The following FTCDNL1 variants were observed in gnomAD, a reference collection of about 807,000 sequenced individuals.
The protein encoded by FTCDNL1 is formiminotransferase N-terminal subdomain-containing protein.
Under a neutral mutation model 5.9 loss-of-function variants are expected in FTCDNL1, and 11 were observed. The ratio of observed to expected loss-of-function variants is 1.87; its 90% CI spans 1.18 to 3.10. FTCDNL1 has a LOEUF of 3.10. Among genes scored for constraint, FTCDNL1 ranks in the 30% most tolerant of loss-of-function variants. FTCDNL1 has a pLI of 0.00. For synonymous variants in FTCDNL1, 58 were observed against 24.8 expected, an observed-to-expected ratio of 2.34 and a Z score of -3.99; for missense variants, 115 against 65.5, an observed-to-expected ratio of 1.76 and a Z score of -2.61.
At chr2:199,793,100 C>T (rs1042246538) in intron 3 of FTCDNL1, among the ~76,000 whole-genome samples, 18 of 152,164 alleles carry the variant, frequency 1.2e-4, no homozygotes. Flanking sequence ...GTTCCTTCCT[C>T]CTACTAGAAA....
intron 3 of FTCDNL1, among the ~76,000 whole-genome samples, chr2:199,823,393 T>C (rs1442741567): frequency 6.6e-6 from 1 of 151,980 alleles, no homozygotes; most frequent in South Asian, 2.1e-4. Flanking sequence ...TTCCACAAGG[T>C]TTTCAATTTA....
rs376019747 is a variant in FTCDNL1, at chr2:199,789,994, A to C, written c.212-29159T>G. Reference sequence around the variant, plus strand: ...CACCATGTTCTTGGCTGGAATACTTAATTTTATTTAAAAATATCAGTTATA... The same window carrying C: ...CACCATGTTCTTGGCTGGAATACTTCATTTTATTTAAAAATATCAGTTATA... On this transcript the variant is annotated intron_variant, in intron 3 of 3. Coordinates refer to the FTCDNL1 transcript ENST00000416668. 1.6e-4 allele frequency among the ~76,000 whole-genome samples: 25 copies of C among 152,310 alleles called. No individual in the cohort carries two copies. In the East Asian group the frequency reaches 3.7e-3, roughly 22 times the overall value.
the FTCDNL1 span, among the ~76,000 whole-genome samples, chr2:199,677,074 C>G: frequency 6.8e-4 from 104 of 152,116 alleles, no homozygotes; most frequent in African/African-American, 2.4e-3. Context: ...GTTACAGGGC[C>G]CTGGAGAAGC....
At chr2:199,739,619 C>T in the FTCDNL1 span, among the ~76,000 whole-genome samples, 1 of 152,110 alleles carries the variant, frequency 6.6e-6, no homozygotes, top group South Asian at 2.1e-4. Flanking sequence ...ATTCGAACAG[C>T]CTCAGGGTGA....
chr2:199,821,321 T>A (rs1272492840), intron 3 of FTCDNL1, among the ~76,000 whole-genome samples: 2 of 150,602 alleles, frequency 1.3e-5, no homozygotes, highest in Non-Finnish European at 3.0e-5. Context: ...GGCTAATTTT[T>A]TTTTTTTTTT....
At chr2:199,715,494 G>A in the FTCDNL1 span, among the ~76,000 whole-genome samples, 1 of 152,158 alleles carries the variant, frequency 6.6e-6, no homozygotes, top group Non-Finnish European at 1.5e-5. Context: ...ATGTGCCTTT[G>A]GTCCTCCTTC....
At chr2:199,765,556 A>ATATATATATATATTTTTTTT in intron 3 of FTCDNL1, among the ~76,000 whole-genome samples, 1 of 42,654 alleles carries the variant, frequency 2.3e-5, no homozygotes, top group South Asian at 1.9e-3. Flanking sequence ...ATATATATAT[A>ATATATATATATATTTTTTTT]TTTTTTTTTT....
At chr2:199,844,384 G>A in intron 3 of FTCDNL1, 2 of 559,694 alleles carry the variant, frequency 3.6e-6, no homozygotes, top group East Asian at 3.1e-5. Flanking sequence ...TCTTACTTCT[G>A]GCCACCACTC....
At chr2:199,687,591 G>C in the FTCDNL1 span, among the ~76,000 whole-genome samples, 1 of 152,172 alleles carries the variant, frequency 6.6e-6, no homozygotes, top group Non-Finnish European at 1.5e-5. Context: ...CCTGGAGGTA[G>C]AAGTTGTAAG....
chr2:199,723,321 A>G, the FTCDNL1 span, among the ~76,000 whole-genome samples: 7 of 152,156 alleles, frequency 4.6e-5, no homozygotes, highest in African/African-American at 1.4e-4. Flanking sequence ...GGATCATGTC[A>G]TCTGCAAACA....
At chr2:199,684,471 CAT>C in the FTCDNL1 span, among the ~76,000 whole-genome samples, 3 of 152,132 alleles carry the variant, frequency 2.0e-5, no homozygotes, top group Non-Finnish European at 4.4e-5. Context: ...TATACACACA[CAT>C]GTATTACATC....
the FTCDNL1 span, among the ~76,000 whole-genome samples, chr2:199,732,963 G>T: frequency 1.3e-5 from 2 of 152,162 alleles, no homozygotes; most frequent in African/African-American, 4.8e-5. Context: ...TCACAATTGA[G>T]TTGGGGTGGG....
At chr2:199,775,856 G>A (rs1006269489) in intron 3 of FTCDNL1, among the ~76,000 whole-genome samples, 2 of 151,110 alleles carry the variant, frequency 1.3e-5, no homozygotes, top group African/African-American at 4.9e-5. Context: ...TAAGGATCAT[G>A]TCTAGTTTAT....
At chr2:199,834,485 C>T (rs1384547864) in intron 3 of FTCDNL1, among the ~76,000 whole-genome samples, 2 of 152,138 alleles carry the variant, frequency 1.3e-5, no homozygotes, top group African/African-American at 2.4e-5. Flanking sequence ...TTCTTAGGAG[C>T]TGGTTTTCAG....
chr2:199,683,386 T>A, the FTCDNL1 span, among the ~76,000 whole-genome samples: 1 of 152,130 alleles, frequency 6.6e-6, no homozygotes, highest in Non-Finnish European at 1.5e-5. Context: ...AGTGAATTAA[T>A]GTTGAAGTTC....
chr2:199,808,844 T>C (rs1369892772), downstream of FTCDNL1, among the ~76,000 whole-genome samples: 1 of 152,232 alleles, frequency 6.6e-6, no homozygotes, highest in Non-Finnish European at 1.5e-5. Flanking sequence ...TTTGTCCTAT[T>C]TCATAGCTAA....
At chr2:199,711,881 C>G in the FTCDNL1 span, among the ~76,000 whole-genome samples, 1 of 152,188 alleles carries the variant, frequency 6.6e-6, no homozygotes, top group East Asian at 1.9e-4. Context: ...GATGTTTAGT[C>G]AATCCTCAGC....
intron 3 of FTCDNL1, among the ~76,000 whole-genome samples, chr2:199,840,987 T>C (rs896241469): frequency 6.6e-6 from 1 of 151,678 alleles, no homozygotes; most frequent in Non-Finnish European, 1.5e-5. Context: ...CCTGTCTCTA[T>C]AAAAAATACA....
chr2:199,725,495 C>A, the FTCDNL1 span, among the ~76,000 whole-genome samples: 3 of 152,070 alleles, frequency 2.0e-5, no homozygotes, highest in African/African-American at 7.2e-5. Context: ...GGTCTGTGTA[C>A]TTCAGTGTGT....
Sources: allele counts gnomAD v4.1 joint callset (sites outside exome capture counted in the v4.1 genomes callset), GRCh38; gene constraint gnomAD v4.1.1; transcripts MANE v1.5; gene names NCBI Gene and HGNC (gene_info 2026-07-23, HGNC 2026-07-21).